The following PPFIA2 variants were observed in gnomAD, a reference collection of about 807,000 sequenced individuals.
The protein encoded by PPFIA2 is liprin-alpha-2.
Under a neutral mutation model 175.5 loss-of-function variants are expected in PPFIA2, and 46 were observed. That is an observed-to-expected ratio of 0.26 (90% confidence interval 0.21 to 0.34). The LOEUF (loss-of-function observed/expected upper bound fraction) is 0.34. Among genes scored for constraint, PPFIA2 ranks in the 10% least tolerant of loss-of-function variants. PPFIA2 has a pLI of 1.00. For missense variants in PPFIA2, 1,179 were observed against 1,506.1 expected, an observed-to-expected ratio of 0.78 and a Z score of 3.60; for synonymous variants, 568 against 511.4, an observed-to-expected ratio of 1.11 and a Z score of -1.49.
At chr12:81,493,633 T>A (rs2059655202) in intron 4 of PPFIA2, among the ~76,000 whole-genome samples, 1 of 151,438 alleles carries the variant, frequency 6.6e-6, no homozygotes, top group South Asian at 2.1e-4. Flanking sequence ...TTGGAGATAA[T>A]GGGCATTCAA....
chr12:81,414,348 T>C (rs560245288), intron 7 of PPFIA2, among the ~76,000 whole-genome samples: 1 of 151,808 alleles, frequency 6.6e-6, no homozygotes, highest in South Asian at 2.1e-4. Context: ...ATTTAAAAGG[T>C]GTCTTCATAT....
At chr12:81,684,942 C>T (rs528353006) in intron 3 of PPFIA2, among the ~76,000 whole-genome samples, 9 of 152,088 alleles carry the variant, frequency 5.9e-5, no homozygotes, top group Non-Finnish European at 2.9e-5. Context: ...TTAAATACTG[C>T]CAATGCTTCC....
intron 9 of PPFIA2, among the ~76,000 whole-genome samples, chr12:81,383,572 G>C (rs1264915346): frequency 1.3e-5 from 2 of 151,928 alleles, no homozygotes; most frequent in Non-Finnish European, 2.9e-5. Flanking sequence ...ACAAAGAAAG[G>C]TCATGTTATA....
intron 5 of PPFIA2, among the ~76,000 whole-genome samples, chr12:81,449,495 AAAAAAAC>A (rs1260139047): frequency 6.6e-6 from 1 of 151,908 alleles, no homozygotes; most frequent in African/African-American, 2.4e-5. Flanking sequence ...AGACAAAAAA[AAAAAAAC>A]AAAAAAAAAT....
chr12:81,524,802 C>G (rs1015409073), intron 4 of PPFIA2, among the ~76,000 whole-genome samples: 1 of 152,148 alleles, frequency 6.6e-6, no homozygotes, highest in Non-Finnish European at 1.5e-5. Flanking sequence ...CCTTAAAATT[C>G]ATATGTTCAA....
chr12:81,487,396 T>G (rs1248220662), intron 4 of PPFIA2, among the ~76,000 whole-genome samples: 1 of 151,954 alleles, frequency 6.6e-6, no homozygotes, highest in Non-Finnish European at 1.5e-5. Context: ...AAAGTCTTAC[T>G]GGGTTGTTGT....
intron 4 of PPFIA2, among the ~76,000 whole-genome samples, chr12:81,507,227 C>T (rs1056184793): frequency 1.2e-4 from 18 of 152,012 alleles, no homozygotes; most frequent in African/African-American, 2.4e-4. Flanking sequence ...CAGACAAATC[C>T]GCTTAGGTCT....
chr12:81,719,231 G>T (rs1233017957), intron 3 of PPFIA2, among the ~76,000 whole-genome samples: 1 of 151,508 alleles, frequency 6.6e-6, no homozygotes, highest in East Asian at 1.9e-4. Flanking sequence ...GCCCTCTGTT[G>T]TTGGTGTTGT....
intron 24 of PPFIA2, among the ~76,000 whole-genome samples, chr12:81,286,037 A>G (rs1338771232): frequency 6.6e-6 from 1 of 152,034 alleles, no homozygotes; most frequent in Non-Finnish European, 1.5e-5. Flanking sequence ...GTGTAGGCCT[A>G]TAGTGATTTT....
intron 4 of PPFIA2, among the ~76,000 whole-genome samples, chr12:81,518,390 A>G (rs1300815766): frequency 1.3e-5 from 2 of 152,070 alleles, no homozygotes; most frequent in East Asian, 3.9e-4. Context: ...TCTATTTCCA[A>G]TGCTTTTACT....
intron 4 of PPFIA2, among the ~76,000 whole-genome samples, chr12:81,529,506 TAGAG>T (rs201287407): frequency 2.7e-5 from 4 of 146,100 alleles, no homozygotes; most frequent in East Asian, 2.0e-4. Flanking sequence ...TCCAAGTAAA[TAGAG>T]AGAGAGAGAC....
rs2067303513 is a variant in PPFIA2 at position 81,653,441 on chromosome 12, T to A, written c.303+23350A>T. 2.6e-5 allele frequency among the ~76,000 whole-genome samples: 4 copies of A among 152,094 alleles called. No homozygotes were observed. The South Asian group carries it at 8.3e-4, about 32-fold the overall frequency. ...CATCCAAAACCAAGTTGTCAGTAGA[T>A]TTGTTTCCTTCTAAAAGCTCCAAAA... On this transcript the variant is annotated intron_variant, in intron 4 of 32. Transcript: ENST00000549396.
At chr12:81,475,101 AAGAC>A (rs2057310205) in intron 4 of PPFIA2, among the ~76,000 whole-genome samples, 1 of 152,214 alleles carries the variant, frequency 6.6e-6, no homozygotes, top group Non-Finnish European at 1.5e-5. Flanking sequence ...AGATCCCACT[AAGAC>A]AGAACACTAG....
Position 81,559,534 on chromosome 12 carries a change from G to A in PPFIA2, c.304-101668C>T, listed in dbSNP as rs151027432. On this transcript the variant is annotated intron_variant, in intron 4 of 32. Coordinates refer to ENST00000549396, the MANE Select transcript of PPFIA2 (RefSeq NM_003625.5). Reference sequence around the variant, plus strand: ...ATCAAAATGATGACTTTGATCTAATGAGATTTTATAAGCACATTAAAAATT... The same window carrying A: ...ATCAAAATGATGACTTTGATCTAATAAGATTTTATAAGCACATTAAAAATT... Among the ~76,000 whole-genome samples the A allele has an allele frequency of 5.3e-3, 806 of 152,244 alleles. 6 individuals are homozygous for A. Among genetic ancestry groups the A allele is most frequent in the Non-Finnish European group, 9.3e-3 (635 of 68,002 alleles).
chr12:81,269,722 C>G (rs1015548427), intron 28 of PPFIA2, among the ~76,000 whole-genome samples: 2 of 152,140 alleles, frequency 1.3e-5, no homozygotes, highest in Non-Finnish European at 2.9e-5. Context: ...CATAAAATCA[C>G]CCAATATGTA....
intron 4 of PPFIA2, among the ~76,000 whole-genome samples, chr12:81,629,017 C>G (rs1484982707): frequency 6.6e-6 from 1 of 152,226 alleles, no homozygotes; most frequent in Admixed American, 6.5e-5. Flanking sequence ...CCTGGGTAAT[C>G]TAAATTAGTT....
intron 7 of PPFIA2, among the ~76,000 whole-genome samples, chr12:81,411,109 G>A (rs2043888674): frequency 6.6e-6 from 1 of 152,124 alleles, no homozygotes; most frequent in Non-Finnish European, 1.5e-5. Flanking sequence ...ATACCTAAGT[G>A]AGGATTTTGG....
intron 21 of PPFIA2, among the ~76,000 whole-genome samples, chr12:81,337,213 T>G (rs1473376804): frequency 6.6e-6 from 1 of 152,182 alleles, no homozygotes. Flanking sequence ...TCTACCTAGT[T>G]TCATAGGTAT....
At chr12:81,387,067 C>A (rs1268364019) in intron 8 of PPFIA2, among the ~76,000 whole-genome samples, 1 of 151,966 alleles carries the variant, frequency 6.6e-6, no homozygotes, top group Admixed American at 6.6e-5. Context: ...TGTGTTACAA[C>A]TTTCTGATTT....
Sources: gnomAD v4.1 joint callset for allele counts (sites outside exome capture counted in the v4.1 genomes callset) on GRCh38, gnomAD v4.1.1 for gene constraint, MANE v1.5 for transcripts, NCBI Gene and HGNC (gene_info 2026-07-23, HGNC 2026-07-21) for gene names.